Variants in PBRM1 observed in about 807,000 individuals in gnomAD.
PBRM1 encodes the protein polybromo 1.
In PBRM1, 27 loss-of-function variants were observed where a neutral mutation model predicts 194.5. The observed-to-expected ratio is 0.14, with a 90% CI of 0.10 to 0.19. PBRM1 has a LOEUF of 0.19. Among genes scored for constraint, PBRM1 ranks in the 10% least tolerant of loss-of-function variants. The pLI is 1.00. For missense variants in PBRM1, 1,466 were observed against 2,077.2 expected (o/e 0.71, Z 5.72); for synonymous variants, 655 against 693.2 (o/e 0.94, Z 0.87).
intron 11 of PBRM1, among the ~76,000 whole-genome samples, chr3:52,633,041 T>C (rs893608262): frequency 7.2e-5 from 11 of 152,132 alleles, no homozygotes; most frequent in African/African-American, 2.4e-4. Flanking sequence ...TAGTATAAAA[T>C]ACTTCCATAA....
chr3:52,661,903 T>G (rs2096733432), intron 4 of PBRM1, among the ~76,000 whole-genome samples: 1 of 152,208 alleles, frequency 6.6e-6, no homozygotes, highest in Non-Finnish European at 1.5e-5. Flanking sequence ...TGCATTAATG[T>G]AAGTACAATT....
Position 52,556,740 on chromosome 3 carries a change from G to A in PBRM1, c.4453+1509C>T, listed in dbSNP as rs182185153. Among the ~76,000 whole-genome samples the A allele has an allele frequency of 8.5e-4, 130 of 152,242 alleles. 1 individual carries two copies. Among genetic ancestry groups the A allele is most frequent in the Non-Finnish European group, 1.2e-3 (85 of 68,022 alleles). ...ACCATGAAAAATCACCCTCTTAGCT[G>A]CAGGGTTCCCCATGAGGACCAAAGA... On this transcript the variant is annotated intron_variant, in intron 26 of 29. Transcript: ENST00000296302.
At position 52,575,508 on chromosome 3, in the gene PBRM1, C is replaced by CTTTT. The variant is rs1177139118; in HGVS notation, c.3691+1029_3691+1032dup. Reference sequence around the variant, plus strand: ...TAAACACATACTTTAAATCAATTGTCTTTTTTTTTTTTTTTTTTTTTTTTT... The same window carrying CTTTT: ...TAAACACATACTTTAAATCAATTGTCTTTTTTTTTTTTTTTTTTTTTTTTTTTTT... On this transcript the variant is annotated intron_variant, in intron 22 of 29. Transcript: ENST00000296302. Among the ~76,000 whole-genome samples, 121 of 87,150 alleles carry CTTTT rather than the reference C, an allele frequency of 1.4e-3. 2 individuals are homozygous for CTTTT. Among genetic ancestry groups the CTTTT allele is most frequent in the Middle Eastern group, 8.1e-3 (1 of 124 alleles). 57.2% of individuals were successfully genotyped at this position (87,150 alleles called of 152,430 possible).
At chr3:52,616,657 C>A (rs1576806555) in intron 14 of PBRM1, among the ~76,000 whole-genome samples, 1 of 152,188 alleles carries the variant, frequency 6.6e-6, no homozygotes, top group Admixed American at 6.5e-5. Flanking sequence ...GGCGCCACTG[C>A]ACTCCAGCCT....
intron 10 of PBRM1, among the ~76,000 whole-genome samples, chr3:52,640,354 C>T (rs1172867809): frequency 6.6e-6 from 1 of 151,712 alleles, no homozygotes; most frequent in Non-Finnish European, 1.5e-5. Flanking sequence ...TCACTTCAGG[C>T]TCAACCTCCC....
intron 17 of PBRM1, among the ~76,000 whole-genome samples, chr3:52,590,499 A>G (rs890764672): frequency 6.6e-6 from 1 of 152,190 alleles, no homozygotes; most frequent in East Asian, 1.9e-4. Context: ...TCGTTTGCAA[A>G]TATCACAGGG....
At chr3:52,578,687 C>T (rs185467230) in intron 21 of PBRM1, among the ~76,000 whole-genome samples, 4 of 152,170 alleles carry the variant, frequency 2.6e-5, no homozygotes, top group African/African-American at 2.4e-5. Flanking sequence ...GTGATATATA[C>T]GCTAAGGAGA....
chr3:52,682,603 A>AAAATGTATTTTG (rs1377807080), upstream of PBRM1, among the ~76,000 whole-genome samples: 3 of 152,218 alleles, frequency 2.0e-5, no homozygotes, highest in African/African-American at 7.2e-5. Flanking sequence ...GACACATTTT[A>AAAATGTATTTTG]AAATGTATTT....
chr3:52,658,312 A>G, exon 5 of PBRM1: 1 of 1,552,016 alleles, frequency 6.4e-7, no homozygotes, highest in Non-Finnish European at 8.9e-7. Context: ...TAAGCTGGAG[A>G]AGACTGGTAA....
At chr3:52,635,124 G>A (rs545136416) in intron 10 of PBRM1, among the ~76,000 whole-genome samples, 1 of 152,054 alleles carries the variant, frequency 6.6e-6, no homozygotes, top group Non-Finnish European at 1.5e-5. Flanking sequence ...ATGGGGTTTC[G>A]TCATGTTGCC....
intron 27 of PBRM1, 61 bp from the exon 30 acceptor site, chr3:52,550,878 C>G (rs980457159): frequency 1.0e-5 from 11 of 1,071,140 alleles, no homozygotes; most frequent in Non-Finnish European, 1.4e-5. Flanking sequence ...TGAAAAACTA[C>G]TGTCTGATAA....
At chr3:52,579,127 T>C in exon 21 of PBRM1, 1 of 1,614,124 alleles carries the variant, frequency 6.2e-7, no homozygotes, top group Non-Finnish European at 8.5e-7. Context: ...CACATGTCAT[T>C]GTAATGGAGC....
chr3:52,617,036 T>C (rs2094997266), intron 14 of PBRM1, among the ~76,000 whole-genome samples: 1 of 152,174 alleles, frequency 6.6e-6, no homozygotes, highest in Admixed American at 6.6e-5. Context: ...ACACAGGGAC[T>C]GGCAGAGCAA....
At chr3:52,586,094 C>A (rs893385966) in intron 20 of PBRM1, 15 of 179,240 alleles carry the variant, frequency 8.4e-5, no homozygotes, top group African/African-American at 3.3e-4. Flanking sequence ...CGCCACCACA[C>A]CCAGCTAATT....
At chr3:52,668,430 T>G (rs1423276661) in intron 3 of PBRM1, 68 bp downstream of exon 4, 1 of 1,180,464 alleles carries the variant, frequency 8.5e-7, no homozygotes, top group Non-Finnish European at 1.2e-6. Context: ...GGTTTATAAA[T>G]ATTAAGAAGC....
chr3:52,602,961 G>C (rs1211521218), intron 17 of PBRM1, among the ~76,000 whole-genome samples: 1 of 152,196 alleles, frequency 6.6e-6, no homozygotes, highest in Non-Finnish European at 1.5e-5. Context: ...ATGTGAACTT[G>C]AACTTTAACA....
At chr3:52,647,918 T>C (rs1258520772) in intron 7 of PBRM1, among the ~76,000 whole-genome samples, 1 of 65,912 alleles carries the variant, frequency 1.5e-5, no homozygotes, top group Non-Finnish European at 4.2e-5. Context: ...ATTAAATACT[T>C]TTTTTTTTTT....
intron 17 of PBRM1, among the ~76,000 whole-genome samples, chr3:52,601,171 C>T (rs565928432): frequency 6.6e-6 from 1 of 152,206 alleles, no homozygotes; most frequent in African/African-American, 2.4e-5. Flanking sequence ...GGTTTTGAAT[C>T]TGGGTTTGTA....
intron 4 of PBRM1, among the ~76,000 whole-genome samples, chr3:52,659,693 G>A (rs1423717750): frequency 1.3e-5 from 2 of 152,176 alleles, no homozygotes; most frequent in African/African-American, 2.4e-5. Context: ...AAAGTGTTGG[G>A]ATTGCAGGCG....
Sources: allele counts gnomAD v4.1 joint callset (sites outside exome capture counted in the v4.1 genomes callset), GRCh38; gene constraint gnomAD v4.1.1; transcripts MANE v1.5; gene names NCBI Gene and HGNC (gene_info 2026-07-23, HGNC 2026-07-21).